Variants in ARPC1A observed in about 807,000 individuals in gnomAD.
The protein encoded by ARPC1A is actin related protein 2/3 complex subunit 1A.
A neutral mutation model predicts 46.9 loss-of-function variants in ARPC1A; 8 were observed. The observed-to-expected ratio is 0.17, with a 90% CI of 0.10 to 0.31. The LOEUF is 0.31. Among genes scored for constraint, ARPC1A ranks in the 10% least tolerant of loss-of-function variants. The pLI, the probability that ARPC1A is intolerant of heterozygous loss-of-function variation, is 1.00. For synonymous variants in ARPC1A, 152 were observed against 169.0 expected (o/e 0.90, Z 0.78); for missense variants, 286 against 483.6 (o/e 0.59, Z 3.83).
In ARPC1A at chr7:99,349,102, G is replaced by A. The variant is rs1008484285; in HGVS notation, c.500+143G>A. On this transcript the variant is annotated intron_variant, in intron 5 of 9. Transcript: ENST00000262942. The stretch of plus-strand genomic sequence containing the variant: ...GGGTCTCACTCTCACCCAGGCTGGA[G>A]TGCAGTGGCACCATCATAGCTCACT... 7 of 783,348 alleles carry A rather than the reference G, an allele frequency of 8.9e-6. No individual in the cohort carries two copies. The Admixed American group carries it at 1.3e-4, about 14-fold the overall frequency. 48.5% of individuals were successfully genotyped at this position (783,348 alleles called of 1,614,324 possible). A position where few individuals can be genotyped will look rare whatever the true frequency, so the allele number is the denominator to read the frequency against.
intron 9 of ARPC1A, among the ~76,000 whole-genome samples, chr7:99,364,234 C>T (rs1007258836): frequency 2.0e-5 from 3 of 149,298 alleles, no homozygotes; most frequent in African/African-American, 7.4e-5. Flanking sequence ...GGATTACAGG[C>T]GTGAGCCACC....
chr7:99,326,770 A>G lies in ARPC1A; in HGVS notation c.-30+766A>G, dbSNP rs1236957342. ...TGATCAATAAATATTAGCTATTATT[A>G]CTGCTTCTGGGCATTCTATGCATAT... On this transcript the variant is annotated intron_variant, in intron 1 of 9. Transcript: ENST00000262942. Among the ~76,000 whole-genome samples the G allele has an allele frequency of 3.3e-5, 5 of 152,332 alleles. No homozygotes were observed. The East Asian group carries it at 9.6e-4, about 29-fold the overall frequency.
intron 2 of ARPC1A, 86 bp downstream of exon 2, chr7:99,333,503 G>T: frequency 4.3e-6 from 5 of 1,154,784 alleles, no homozygotes; most frequent in Non-Finnish European, 3.8e-6. Flanking sequence ...ACATATCTCA[G>T]TATCACATGT....
At chr7:99,364,409 A>T (rs1475840261) in intron 9 of ARPC1A, among the ~76,000 whole-genome samples, 1 of 151,386 alleles carries the variant, frequency 6.6e-6, no homozygotes, top group Non-Finnish European at 1.5e-5. Context: ...AGTAGCTGGG[A>T]TTACAGACAT....
chr7:99,351,292 C>A (rs1448538777), intron 5 of ARPC1A, among the ~76,000 whole-genome samples: 3 of 152,160 alleles, frequency 2.0e-5, no homozygotes, highest in African/African-American at 7.2e-5. Context: ...TGGCTCACTG[C>A]AACCTCTGCC....
At chr7:99,326,879 ATTT>A (rs1454490897) in intron 1 of ARPC1A, among the ~76,000 whole-genome samples, 1 of 152,128 alleles carries the variant, frequency 6.6e-6, no homozygotes, top group Admixed American at 6.6e-5. Flanking sequence ...TGTCAGCCTT[ATTT>A]ATGTTTCTAG....
chr7:99,326,592 G>T (rs930391426), intron 1 of ARPC1A, among the ~76,000 whole-genome samples: 1 of 152,192 alleles, frequency 6.6e-6, no homozygotes, highest in African/African-American at 2.4e-5. Context: ...TTTTATGCCA[G>T]TCCTGGCACC....
chr7:99,340,999 A>C (rs1584378073), intron 3 of ARPC1A, among the ~76,000 whole-genome samples: 1 of 152,184 alleles, frequency 6.6e-6, no homozygotes, highest in Non-Finnish European at 1.5e-5. Context: ...TAAGAATAAG[A>C]ATACTCATAT....
At chr7:99,365,631 G>C (rs965620838) in intron 9 of ARPC1A, among the ~76,000 whole-genome samples, 2 of 147,006 alleles carry the variant, frequency 1.4e-5, no homozygotes, top group Admixed American at 1.4e-4. Context: ...AAAAAAAAAA[G>C]AGGAGTGAGG....
rs1297798577 is a variant in ARPC1A, at chr7:99,359,731, A to G, written c.976A>G (p.Ser326Gly). ...GGCCTTGGAGACGCTGCACCAGAAT[A>G]GCATCACGTAGGTGCCGTCTGTAGA... ...NTALETLHQN[S>G]ITQVSIYEVD... The change falls in exon 8 of 10, where the codon AGC becomes GGC. Residue 326 changes from serine to glycine, a missense_variant. Around this residue, in one of 5 missense-constraint regions of ARPC1A, gnomAD observed 182 missense variants for 276.7 expected, o/e 0.66. Transcript: ENST00000262942. 1 of 1,614,026 alleles carries G rather than the reference A, an allele frequency of 6.2e-7. No homozygotes were observed. The highest frequency in any genetic ancestry group is 1.3e-5 in the African/African-American group (1 of 74,950).
chr7:99,353,835 C>T, intron 5 of ARPC1A, 74 bp from the exon 6 acceptor site: 2 of 1,405,026 alleles, frequency 1.4e-6, no homozygotes, highest in Admixed American at 1.9e-5. Flanking sequence ...TTCCTTGTGG[C>T]AGCTGCCTAT....
chr7:99,349,650 A>G (rs951696161), intron 5 of ARPC1A, among the ~76,000 whole-genome samples: 18 of 152,190 alleles, frequency 1.2e-4, no homozygotes, highest in Non-Finnish European at 2.2e-4. Context: ...CATCCTGGCT[A>G]ACACAGTGAA....
intron 5 of ARPC1A, among the ~76,000 whole-genome samples, chr7:99,351,152 A>G (rs1215383619): frequency 1.3e-5 from 2 of 152,156 alleles, no homozygotes; most frequent in African/African-American, 4.8e-5. Flanking sequence ...ATTGGAAAAT[A>G]GAACTAGGTG....
intron 9 of ARPC1A, among the ~76,000 whole-genome samples, chr7:99,365,064 C>T (rs1562804742): frequency 6.6e-6 from 1 of 152,122 alleles, no homozygotes; most frequent in Admixed American, 6.5e-5. Flanking sequence ...GTGCAGCACA[C>T]CCAGGGCAGC....
intron 6 of ARPC1A, among the ~76,000 whole-genome samples, chr7:99,356,224 A>C (rs1793626463): frequency 6.6e-6 from 1 of 152,206 alleles, no homozygotes; most frequent in African/African-American, 2.4e-5. Flanking sequence ...CACCCAGTGT[A>C]AACAGCATGA....
At chr7:99,335,553 C>T in intron 2 of ARPC1A, 1 of 286,396 alleles carries the variant, frequency 3.5e-6, no homozygotes, top group South Asian at 2.6e-5. Context: ...GTTATTGTGT[C>T]GCTTGCATTT....
chr7:99,328,962 C>G (rs1051223642), intron 1 of ARPC1A, among the ~76,000 whole-genome samples: 1 of 143,344 alleles, frequency 7.0e-6, no homozygotes, highest in South Asian at 2.2e-4. Flanking sequence ...GAAAAAAACT[C>G]AGAGAGAGAG....
intron 8 of ARPC1A, 158 bp from the exon 9 acceptor site, chr7:99,363,385 G>C: frequency 1.6e-6 from 1 of 625,624 alleles, no homozygotes; most frequent in South Asian, 1.8e-5. Context: ...TTCAAGACCA[G>C]CTTGGGCAAC....
At chr7:99,347,138 C>T (rs372730182) in intron 4 of ARPC1A, among the ~76,000 whole-genome samples, 35 of 152,046 alleles carry the variant, frequency 2.3e-4, no homozygotes, top group African/African-American at 7.7e-4. Flanking sequence ...GGTACAAACA[C>T]GGCTCACTGC....
Sources: allele counts gnomAD v4.1 joint callset (sites outside exome capture counted in the v4.1 genomes callset), GRCh38; gene constraint gnomAD v4.1.1; regional missense constraint gnomAD v4.1.1; transcripts MANE v1.5; gene names NCBI Gene and HGNC (gene_info 2026-07-23, HGNC 2026-07-21).